MRPS25: variants seen among roughly 807,000 people sequenced by gnomAD.
The protein encoded by MRPS25 is small ribosomal subunit protein mS25.
In MRPS25, 15 loss-of-function variants were observed where a neutral mutation model predicts 17.3. The ratio of observed to expected loss-of-function variants is 0.87; its 90% CI spans 0.58 to 1.34. The LOEUF (loss-of-function observed/expected upper bound fraction) is 1.34, where lower values mean the gene tolerates loss of function less well. Ranked by LOEUF, MRPS25 falls within the 40% of genes most tolerant of loss-of-function variation. The pLI, the probability that MRPS25 is intolerant of heterozygous loss-of-function variation, is 0.00. For synonymous variants in MRPS25, 94 were observed against 83.3 expected (o/e 1.13, Z -0.70); for missense variants, 225 against 218.6 (o/e 1.03, Z -0.19).
chr3:15,058,250 C>A (rs919056298), intron 2 of MRPS25, among the ~76,000 whole-genome samples: 11 of 150,256 alleles, frequency 7.3e-5, no homozygotes, highest in Non-Finnish European at 1.3e-4. Context: ...AGTGCAGTGG[C>A]GCGATCTCGG....
chr3:15,062,558 C>T (rs1461837047), intron 1 of MRPS25, among the ~76,000 whole-genome samples: 1 of 151,928 alleles, frequency 6.6e-6, no homozygotes, highest in Non-Finnish European at 1.5e-5. Context: ...ACCACCCCAT[C>T]TGGGAGGTGT....
At position 15,052,447 on chromosome 3, in the gene MRPS25, C is replaced by T. The variant is rs1314955883; in HGVS notation, c.516G>A (p.Gln172=). The change falls in exon 4 of 4, where the codon CAG becomes CAA. Residue 172 remains glutamine, a synonymous_variant. Transcript: ENST00000253686. ...CCCACAGTGACCGTGGGCCTTAGTCCTGGGCATCGGCTTTCAGAGCGGCTT... is the reference window on the plus strand; with the variant it reads ...CCCACAGTGACCGTGGGCCTTAGTCTTGGGCATCGGCTTTCAGAGCGGCTT... ...KYKAALKADA[Q]D The T allele has an allele frequency of 1.9e-6, 3 of 1,613,254 alleles. No homozygotes were observed. In the Admixed American group the frequency reaches 5.0e-5, roughly 27 times the overall value.
downstream of MRPS25, chr3:15,045,935 A>G (rs1224721224): frequency 6.6e-6 from 1 of 151,808 alleles, no homozygotes; most frequent in Non-Finnish European, 1.5e-5. Flanking sequence ...GCTCTTTTCC[A>G]GAAGTATCTC....
At position 15,048,886 on chromosome 3, in the gene MRPS25, T is replaced by G. The variant is rs775768528; in HGVS notation, c.*3555A>C. 2.2e-4 allele frequency: 33 copies of G among 152,598 alleles called. No homozygotes were observed. Among genetic ancestry groups the G allele is most frequent in the African/African-American group, 7.2e-4 (30 of 41,426 alleles). The allele number at this position is 152,598 out of a possible 1,614,324, so 9.5% of individuals were successfully genotyped here. A position where few individuals can be genotyped will look rare whatever the true frequency, so the allele number is the denominator to read the frequency against. On this transcript the variant is annotated 3_prime_UTR_variant, in exon 4 of 4. Coordinates refer to ENST00000253686, the MANE Select transcript of MRPS25 (RefSeq NM_022497.5). Reference sequence around the variant, plus strand: ...AGGCATCTATCTATCAAAGGAAAATTTGGGTGTTAGATTTTCTTGGGACCG... The same window carrying G: ...AGGCATCTATCTATCAAAGGAAAATGTGGGTGTTAGATTTTCTTGGGACCG...
At chr3:15,061,115 T>C (rs1490327360) in intron 1 of MRPS25, among the ~76,000 whole-genome samples, 1 of 148,524 alleles carries the variant, frequency 6.7e-6, no homozygotes, top group East Asian at 1.9e-4. Flanking sequence ...TACTTTAAAC[T>C]ACTAGGACAG....
rs1233517287 is a variant in MRPS25 at position 15,050,967 on chromosome 3, C to A, written c.*1474G>T. ...AAAAGGTAACCTTTTCCCCATTTTA[C>A]AGACAAAACCAGTTACAGACCTGGA... On this transcript the variant is annotated 3_prime_UTR_variant, in exon 4 of 4. Coordinates refer to ENST00000253686, the MANE Select transcript of MRPS25 (RefSeq NM_022497.5). The A allele has an allele frequency of 3.0e-6, 3 of 985,270 alleles. No homozygotes were observed. The African/African-American group carries it at 5.2e-5, about 17-fold the overall frequency. 61.0% of individuals were successfully genotyped at this position (985,270 alleles called of 1,614,324 possible). A position where few individuals can be genotyped will look rare whatever the true frequency, so the allele number is the denominator to read the frequency against.
At chr3:15,044,741 G>A (rs1009221772), downstream of MRPS25, 2 of 152,272 alleles carry the variant, frequency 1.3e-5, no homozygotes, top group African/African-American at 4.8e-5. Context: ...GCTCCACAGG[G>A]GTGCAGTCTG....
At chr3:15,056,511 T>C (rs937499618) in intron 2 of MRPS25, among the ~76,000 whole-genome samples, 3 of 152,140 alleles carry the variant, frequency 2.0e-5, no homozygotes, top group East Asian at 1.9e-4. Flanking sequence ...GTTAACCCCA[T>C]GGGTCCTTAC....
In MRPS25 at chr3:15,063,271, A is replaced by T. The variant is rs2042804492; in HGVS notation, c.134+1790T>A. On this transcript the variant is annotated intron_variant, in intron 1 of 3. Transcript: ENST00000253686. ...TTCTGTCACCATCAAATTCACCCTG[A>T]GGCTTGGGGACCACTTGTTCAGGGT... 7.9e-5 allele frequency among the ~76,000 whole-genome samples: 12 copies of T among 152,314 alleles called. No individual in the cohort carries two copies. In the South Asian group the frequency reaches 2.5e-3, roughly 32 times the overall value.
At position 15,065,147 on chromosome 3, in the gene MRPS25, C is replaced by T. The variant is rs1277604598; in HGVS notation, c.48G>A (p.Leu16=). 2.5e-6 allele frequency: 4 copies of T among 1,608,956 alleles called. No homozygotes were observed. Among genetic ancestry groups the T allele is most frequent in the Non-Finnish European group, 3.4e-6 (4 of 1,177,904 alleles). The change falls in exon 1 of 4, where the codon CTG becomes CTA. Residue 16 remains leucine (L), a synonymous_variant. Transcript: ENST00000253686. ...CCTTGAACACCACGTTCCCCTGGCT[C>T]AGATATTGCAGGGTGCGGCGGATGG... The part of the protein sequence containing the change: ...RFPIRRTLQY[L]SQGNVVFKDS...
intron 1 of MRPS25, among the ~76,000 whole-genome samples, chr3:15,059,873 G>T (rs1343377990): frequency 6.6e-6 from 1 of 151,444 alleles, no homozygotes; most frequent in African/African-American, 2.4e-5. Context: ...AAAATAATGA[G>T]ACCAATGTAT....
intron 2 of MRPS25, among the ~76,000 whole-genome samples, chr3:15,055,258 T>C (rs1158179440): frequency 6.6e-6 from 1 of 152,106 alleles, no homozygotes; most frequent in Non-Finnish European, 1.5e-5. Flanking sequence ...CCTACCTCAA[T>C]ATTGGGAATT....
At chr3:15,053,258 T>C (rs554645313) in intron 3 of MRPS25, 122 bp downstream of exon 3, 114 of 1,526,342 alleles carry the variant, frequency 7.5e-5, no homozygotes, top group Non-Finnish European at 7.7e-5. Context: ...CAGCTCTTAT[T>C]AGTGTCTGGC....
At position 15,052,184 on chromosome 3, in the gene MRPS25, A is replaced by G; in HGVS notation, c.*257T>C. ...TTCTGCTACACAGGCCTTCCTCTTC[A>G]CTAGGACCAGATACACGCCAAGCTG... On this transcript the variant is annotated 3_prime_UTR_variant, in exon 4 of 4. Transcript: ENST00000253686. 1.7e-6 allele frequency: 2 copies of G among 1,208,622 alleles called. No homozygotes were observed. Among genetic ancestry groups the G allele is most frequent in the Non-Finnish European group, 2.1e-6 (2 of 970,372 alleles). The allele number at this position is 1,208,622 out of a possible 1,614,324, so 74.9% of individuals were successfully genotyped here.
chr3:15,048,407 A>G (rs996669116), downstream of MRPS25: 13 of 152,796 alleles, frequency 8.5e-5, no homozygotes, highest in African/African-American at 2.9e-4. Context: ...ACAAATAATT[A>G]AAGTGTGAGC....
At chr3:15,042,657 T>A, downstream of MRPS25, 1 of 591,914 alleles carries the variant, frequency 1.7e-6, no homozygotes, top group South Asian at 2.4e-5. Flanking sequence ...CATTTGGTTT[T>A]TTCTCATGAT....
chr3:15,054,098 T>C (rs1391215434), intron 2 of MRPS25, among the ~76,000 whole-genome samples: 1 of 151,326 alleles, frequency 6.6e-6, no homozygotes, highest in African/African-American at 2.4e-5. Flanking sequence ...CTACTAAAAA[T>C]ACAAAAAATT....
chr3:15,059,279 G>GCA, intron 2 of MRPS25, 90 bp downstream of exon 2: 1 of 894,142 alleles, frequency 1.1e-6, no homozygotes, highest in Non-Finnish European at 1.8e-6. Flanking sequence ...AGCGCACACT[G>GCA]CAGCTCATCC....
At chr3:15,046,615 T>C (rs1265463324), downstream of MRPS25, 1 of 152,284 alleles carries the variant, frequency 6.6e-6, no homozygotes, top group Admixed American at 6.5e-5. Context: ...TGGGACCTGA[T>C]CTCATTGGAG....
Sources: gnomAD v4.1 joint callset for allele counts (sites outside exome capture counted in the v4.1 genomes callset) on GRCh38, gnomAD v4.1.1 for gene constraint, MANE v1.5 for transcripts, NCBI Gene and HGNC (gene_info 2026-07-23, HGNC 2026-07-21) for gene names.